PAPSS1: variants seen among roughly 807,000 people sequenced by gnomAD.
PAPSS1 encodes bifunctional 3'-phosphoadenosine 5'-phosphosulfate synthase 1.
Under a neutral mutation model 72.0 loss-of-function variants are expected in PAPSS1, and 50 were observed. That is an observed-to-expected ratio of 0.69 (90% CI 0.55 to 0.88). The LOEUF (loss-of-function observed/expected upper bound fraction) is 0.88, where lower values mean the gene tolerates loss of function less well. PAPSS1 is among the 40% of genes least tolerant of loss of function. The pLI is 0.00. For synonymous variants in PAPSS1, 261 were observed against 263.6 expected, an observed-to-expected ratio of 0.99 and a Z score of 0.09; for missense variants, 657 against 782.2, an observed-to-expected ratio of 0.84 and a Z score of 1.91.
At chr4:107,680,253 C>T (rs900116026) in intron 5 of PAPSS1, among the ~76,000 whole-genome samples, 1 of 151,780 alleles carries the variant, frequency 6.6e-6, no homozygotes, top group Non-Finnish European at 1.5e-5. Flanking sequence ...AAATCTACTA[C>T]AAGACCTAGA....
intron 11 of PAPSS1, among the ~76,000 whole-genome samples, chr4:107,617,207 C>CTTT (rs111248344): frequency 3.0e-5 from 4 of 132,812 alleles, no homozygotes; most frequent in Non-Finnish European, 6.5e-5. Context: ...GAGTCTTCGG[C>CTTT]TTTTTTTTTT....
At position 107,684,752 on chromosome 4, in the gene PAPSS1, G is replaced by C. The variant is rs183837223; in HGVS notation, c.550+2287C>G. On this transcript the variant is annotated intron_variant, in intron 4 of 11. Coordinates refer to ENST00000265174, the MANE Select transcript of PAPSS1 (RefSeq NM_005443.5). ...GGCTTTGAGTTGTCCCACCTTTCTG[G>C]ACCAAACCAATGTATTTGATTGATG... Among the ~76,000 whole-genome samples the C allele has an allele frequency of 8.3e-3, 1,265 of 152,084 alleles. 13 individuals carry two copies. The highest frequency in any genetic ancestry group is 0.021 in the South Asian group (101 of 4,808).
chr4:107,619,573 T>TA (rs11346825), intron 11 of PAPSS1, among the ~76,000 whole-genome samples: 56 of 151,508 alleles, frequency 3.7e-4, no homozygotes, highest in Non-Finnish European at 5.2e-4. Context: ...TAACTAAATT[T>TA]AAAAAAAAAC....
intron 5 of PAPSS1, among the ~76,000 whole-genome samples, chr4:107,662,302 C>T (rs1048616981): frequency 2.6e-5 from 4 of 152,174 alleles, no homozygotes; most frequent in Admixed American, 1.3e-4. Context: ...GCATTAGACA[C>T]TTTGTATACC....
chr4:107,629,951 A>G (rs1726188970), intron 11 of PAPSS1, among the ~76,000 whole-genome samples: 1 of 152,188 alleles, frequency 6.6e-6, no homozygotes, highest in African/African-American at 2.4e-5. Flanking sequence ...AGGAATTTCA[A>G]TGGGACATTA....
intron 10 of PAPSS1, among the ~76,000 whole-genome samples, chr4:107,633,226 T>C (rs546861744): frequency 4.4e-4 from 67 of 152,348 alleles, no homozygotes; most frequent in African/African-American, 1.6e-3. Context: ...ATATCAACAT[T>C]TTTGATGAAA....
chr4:107,651,085 G>A (rs887826283), intron 9 of PAPSS1, among the ~76,000 whole-genome samples: 1 of 152,112 alleles, frequency 6.6e-6, no homozygotes, highest in Non-Finnish European at 1.5e-5. Context: ...TGTTATACAG[G>A]CAGTACCAAG....
intron 1 of PAPSS1, among the ~76,000 whole-genome samples, chr4:107,709,343 C>T (rs1723427701): frequency 6.6e-6 from 1 of 152,200 alleles, no homozygotes; most frequent in African/African-American, 2.4e-5. Context: ...TAACCAACCT[C>T]CATCTTGCCT....
intron 1 of PAPSS1, chr4:107,719,862 AG>A (rs1292600212): frequency 5.2e-6 from 7 of 1,342,340 alleles, no homozygotes; most frequent in Middle Eastern, 2.8e-4. Context: ...GGCGCTGGGG[AG>A]GGGGGGCGTT....
Position 107,631,861 on chromosome 4 carries a change from C to A in PAPSS1, c.1507-1G>T. On this transcript the variant is annotated splice_acceptor_variant, in intron 10 of 11. Coordinates refer to ENST00000265174, the MANE Select transcript of PAPSS1 (RefSeq NM_005443.5). LOFTEE classifies it high-confidence loss of function. Reference sequence around the variant, plus strand: ...TCCGTGCTCTGCAATGCCACTGGACCTAGAATAAAAGTTTCATTTTAGGTA... The same window carrying A: ...TCCGTGCTCTGCAATGCCACTGGACATAGAATAAAAGTTTCATTTTAGGTA... 1 of 1,605,256 alleles carries A rather than the reference C, an allele frequency of 6.2e-7. No homozygotes were observed. Among genetic ancestry groups the A allele is most frequent in the Non-Finnish European group, 8.5e-7 (1 of 1,174,790 alleles).
At chr4:107,665,053 T>A (rs984855737) in intron 5 of PAPSS1, among the ~76,000 whole-genome samples, 21 of 152,332 alleles carry the variant, frequency 1.4e-4, no homozygotes, top group Non-Finnish European at 2.8e-4. Context: ...TTCGAAAGGT[T>A]GCTACTGTTT....
rs1054550551 is a variant in PAPSS1 at position 107,638,171 on chromosome 4, A to G, written c.1507-6311T>C. 9.6e-4 allele frequency among the ~76,000 whole-genome samples: 147 copies of G among 152,370 alleles called. 1 individual carries two copies. Among genetic ancestry groups the G allele is most frequent in the African/African-American group, 3.3e-3 (137 of 41,590 alleles). ...TTCTATTACTCTGTACTGGTACTGAACAGTAGTCTCATGAGAGTCACATTT... is the reference window on the plus strand; with the variant it reads ...TTCTATTACTCTGTACTGGTACTGAGCAGTAGTCTCATGAGAGTCACATTT... On this transcript the variant is annotated intron_variant, in intron 10 of 11. Coordinates refer to ENST00000265174, the MANE Select transcript of PAPSS1 (RefSeq NM_005443.5).
chr4:107,687,207 A>G (rs1722810306), intron 3 of PAPSS1, 30 bp from the exon 4 acceptor site: 1 of 1,518,914 alleles, frequency 6.6e-7, no homozygotes, highest in Non-Finnish European at 8.8e-7. Flanking sequence ...AAAAGTGATC[A>G]CACAAATCAC....
intron 2 of PAPSS1, among the ~76,000 whole-genome samples, chr4:107,695,989 A>G (rs1282818116): frequency 6.6e-6 from 1 of 152,238 alleles, no homozygotes; most frequent in Non-Finnish European, 1.5e-5. Flanking sequence ...ATCACTGATC[A>G]TTAGAGAAAT....
chr4:107,682,080 G>C lies in PAPSS1; in HGVS notation c.604C>G (p.Leu202Val). The C allele has an allele frequency of 1.2e-6, 2 of 1,611,740 alleles. No homozygotes were observed. Among genetic ancestry groups the C allele is most frequent in the Non-Finnish European group, 1.7e-6 (2 of 1,178,278 alleles). Reference sequence around the variant, plus strand: ...TTTACATCACAGGAGTCTGTTTTCAGCACCAACTCAGGGGCCTCTGGCTTT... The same window carrying C: ...TTTACATCACAGGAGTCTGTTTTCACCACCAACTCAGGGGCCTCTGGCTTT... ...YEKPEAPELV[L>V]KTDSCDVNDC... Residue 202 changes from leucine to valine, a missense_variant, in exon 5 of 12, where the codon CTG becomes GTG. By Grantham distance (32) the Leu-to-Val change is conservative. Around this residue, in one of 7 missense-constraint regions of PAPSS1, gnomAD observed 28 missense variants for 60.8 expected, o/e 0.46. Coordinates refer to ENST00000265174, the MANE Select transcript of PAPSS1 (RefSeq NM_005443.5).
Position 107,682,025 on chromosome 4 carries a change from A to T in PAPSS1, c.659T>A (p.Leu220Gln). ...TTCATCCTCTCTTACCCGTTCCTGT[A>T]GAAGTTCCACAACTTGCTGGACACA... is the stretch of plus-strand genomic sequence containing the variant. ...NDCVQQVVEL[L>Q]QERDIVPVDA... Residue 220 changes from leucine to glutamine, a missense_variant, in exon 5 of 12, where the codon CTA (leucine) becomes CAA (glutamine). Leu to Gln is a moderately radical substitution (Grantham distance 113). Around this residue, in one of 7 missense-constraint regions of PAPSS1, gnomAD observed 28 missense variants for 60.8 expected, o/e 0.46. Transcript: ENST00000265174. 1 of 1,554,906 alleles carries T rather than the reference A, an allele frequency of 6.4e-7. No homozygotes were observed. Among genetic ancestry groups the T allele is most frequent in the Non-Finnish European group, 8.9e-7 (1 of 1,129,798 alleles).
rs373088459 is a variant in PAPSS1 at position 107,701,166 on chromosome 4, C to A, written c.175+5G>T. On this transcript the variant is annotated splice_donor_5th_base_variant and intron_variant, in intron 2 of 11. Transcript: ENST00000265174. ...AATAAACTGCTTTCTCTCTCTTGAC[C>A]ATACCTGTTAGCCAAACTGTGCAAC... The A allele has an allele frequency of 6.3e-7, 1 of 1,596,602 alleles. No individual in the cohort carries two copies. Among genetic ancestry groups the A allele is most frequent in the Non-Finnish European group, 8.6e-7 (1 of 1,164,444 alleles).
intron 11 of PAPSS1, among the ~76,000 whole-genome samples, chr4:107,623,140 A>G (rs1426452667): frequency 6.6e-6 from 1 of 152,116 alleles, no homozygotes; most frequent in African/African-American, 2.4e-5. Context: ...GGTCACTTTT[A>G]TAACTTTTAT....
chr4:107,697,930 G>A lies in PAPSS1; in HGVS notation c.175+3241C>T, dbSNP rs148874877. Among the ~76,000 whole-genome samples the A allele has an allele frequency of 3.3e-5, 5 of 152,256 alleles. No homozygotes were observed. The East Asian group carries it at 7.7e-4, about 24-fold the overall frequency. On this transcript the variant is annotated intron_variant, in intron 2 of 11. Coordinates refer to ENST00000265174, the MANE Select transcript of PAPSS1 (RefSeq NM_005443.5). The stretch of plus-strand genomic sequence containing the variant: ...AGACAAAAAGAGATTGGAGTGATCC[G>A]TCCACACACCAAGGACTGCCAGCCA...
Sources: allele counts gnomAD v4.1 joint callset (sites outside exome capture counted in the v4.1 genomes callset), GRCh38; gene constraint gnomAD v4.1.1; regional missense constraint gnomAD v4.1.1; transcripts MANE v1.5; gene names NCBI Gene and HGNC (gene_info 2026-07-23, HGNC 2026-07-21).